Variants in CPOX observed in about 807,000 individuals in gnomAD.
The protein encoded by CPOX is oxygen-dependent coproporphyrinogen-III oxidase, mitochondrial.
A neutral mutation model predicts 48.9 loss-of-function variants in CPOX; 24 were observed. The ratio of observed to expected loss-of-function variants is 0.49; its 90% confidence interval spans 0.36 to 0.69. The LOEUF is 0.69. Among genes scored for constraint, CPOX ranks in the 30% least tolerant of loss-of-function variants. The probability of loss-of-function intolerance (pLI) is 0.00; values close to 1 mark genes in which losing one functional copy is unlikely to be tolerated. For missense variants in CPOX, 549 were observed against 597.3 expected (o/e 0.92, Z 0.84); for synonymous variants, 249 against 234.6 (o/e 1.06, Z -0.56).
chr3:98,581,721 T>C (rs896385668), intron 5 of CPOX, among the ~76,000 whole-genome samples: 3 of 152,144 alleles, frequency 2.0e-5, no homozygotes, highest in East Asian at 1.9e-4. Context: ...CAATAGAATA[T>C]AGATTCTGCC....
At position 98,580,273 on chromosome 3, in the gene CPOX, T is replaced by C; in HGVS notation, c.*410A>G. The C allele has an allele frequency of 1.0e-5, 10 of 1,000,054 alleles. No homozygotes were observed. The highest frequency in any genetic ancestry group is 1.2e-5 in the Non-Finnish European group (10 of 838,454). 61.9% of individuals were successfully genotyped at this position (1,000,054 alleles called of 1,614,324 possible). On this transcript the variant is annotated 3_prime_UTR_variant, in exon 7 of 7. Transcript: ENST00000647941. ...AATTACTATGAAGTCTCAACTTCAC[T>C]GAATTAATGAAAATAAAATATATTC...
In CPOX at chr3:98,588,817, G is replaced by T; in HGVS notation, c.849C>A (p.Leu283=). The T allele has an allele frequency of 6.2e-7, 1 of 1,614,154 alleles. No homozygotes were observed. The highest frequency in any genetic ancestry group is 8.5e-7 in the Non-Finnish European group (1 of 1,180,008). Residue 283 remains leucine, a synonymous_variant, in exon 4 of 7, where the codon CTC becomes CTA. Transcript: ENST00000647941. ...KQWWFGGGCD[L]TPTYLNQEDA... ...CTTCTTGATTCAAGTATGTTGGAGT[G>T]AGGTCACATCCACCACCAAACCACC...
chr3:98,575,187 C>G (rs1707141673), downstream of CPOX, among the ~76,000 whole-genome samples: 1 of 152,170 alleles, frequency 6.6e-6, no homozygotes, highest in Non-Finnish European at 1.5e-5. Context: ...ACTTTGATAC[C>G]TCTCAACCAT....
intron 5 of CPOX, among the ~76,000 whole-genome samples, chr3:98,581,716 G>T (rs1468213939): frequency 2.6e-5 from 4 of 152,094 alleles, no homozygotes; most frequent in Non-Finnish European, 4.4e-5. Flanking sequence ...CCAAACAATA[G>T]AATATAGATT....
chr3:98,590,751 T>C lies in CPOX; in HGVS notation c.701-9A>G. 1 of 1,579,810 alleles carries C rather than the reference T, an allele frequency of 6.3e-7. No homozygotes were observed. The highest frequency in any genetic ancestry group is 8.7e-7 in the Non-Finnish European group (1 of 1,148,852). ...ACAAAATGGCAATTTACCTGGAAAG[T>C]AAAATATGAGTCATGAGCTATATTC... On this transcript the variant is annotated splice_polypyrimidine_tract_variant and intron_variant, in intron 2 of 6. Transcript: ENST00000647941.
downstream of CPOX, among the ~76,000 whole-genome samples, chr3:98,576,364 A>C (rs1178063181): frequency 6.6e-6 from 1 of 152,200 alleles, no homozygotes; most frequent in Non-Finnish European, 1.5e-5. Flanking sequence ...GAACTCACTC[A>C]CTACCACGAG....
rs1707215405 is a variant in CPOX, at chr3:98,579,726, C to T, written c.*957G>A. On this transcript the variant is annotated 3_prime_UTR_variant, in exon 7 of 7. Coordinates refer to ENST00000647941, the MANE Select transcript of CPOX (RefSeq NM_000097.7). ...AGAATCTCTAATATAAAAAAGAGGACATTTTCAATGTGTCCATTTTCCTAA... is the reference window on the plus strand; with the variant it reads ...AGAATCTCTAATATAAAAAAGAGGATATTTTCAATGTGTCCATTTTCCTAA... 1 of 985,280 alleles carries T rather than the reference C, an allele frequency of 1.0e-6. No individual in the cohort carries two copies. The highest frequency in any genetic ancestry group is 6.1e-5 in the Admixed American group (1 of 16,266). The allele number at this position is 985,280 out of a possible 1,614,324, so 61.0% of individuals were successfully genotyped here. A position where few individuals can be genotyped will look rare whatever the true frequency, so the allele number is the denominator to read the frequency against.
chr3:98,573,010 G>A, the CPOX span, among the ~76,000 whole-genome samples: 1 of 152,142 alleles, frequency 6.6e-6, no homozygotes, highest in Non-Finnish European at 1.5e-5. Flanking sequence ...TGATAAAAAT[G>A]TTTTCCTACC....
rs1707537180 is a variant in CPOX at position 98,593,607 on chromosome 3, G to T, written c.-103C>A. 3 of 1,259,550 alleles carry T rather than the reference G, an allele frequency of 2.4e-6. No individual in the cohort carries two copies. Among genetic ancestry groups the T allele is most frequent in the Non-Finnish European group, 3.2e-6 (3 of 936,468 alleles). 78.0% of individuals were successfully genotyped at this position (1,259,550 alleles called of 1,614,324 possible). A position where few individuals can be genotyped will look rare whatever the true frequency, so the allele number is the denominator to read the frequency against. On this transcript the variant is annotated 5_prime_UTR_variant, in exon 1 of 7. Coordinates refer to ENST00000647941, the MANE Select transcript of CPOX (RefSeq NM_000097.7). ...ATTGAGCCGGCGAGCTGCACAGGCG[G>T]AAAGAACCTTTCGAGAAGAGCCGCT...
chr3:98,574,011 A>G, the CPOX span, among the ~76,000 whole-genome samples: 2 of 152,044 alleles, frequency 1.3e-5, no homozygotes, highest in Non-Finnish European at 2.9e-5. Context: ...ATTACACTGC[A>G]TGCACTTCCT....
chr3:98,578,298 A>G, downstream of CPOX: 3 of 873,586 alleles, frequency 3.4e-6, no homozygotes, highest in Non-Finnish European at 4.1e-6. Context: ...GAAAAATTTT[A>G]TCTTCATTTA....
chr3:98,585,389 T>C (rs1707341874), intron 5 of CPOX, 52 bp downstream of exon 5: 3 of 1,420,024 alleles, frequency 2.1e-6, no homozygotes, highest in African/African-American at 1.4e-5. Context: ...TATTAAGAGC[T>C]GCTCCACCTC....
At chr3:98,592,806 G>A (rs1229399214) in intron 1 of CPOX, 143 bp downstream of exon 1, 20 of 847,456 alleles carry the variant, frequency 2.4e-5, no homozygotes, top group Non-Finnish European at 3.7e-5. Context: ...CTTTTTATCA[G>A]CGGCCTCTAA....
intron 1 of CPOX, among the ~76,000 whole-genome samples, chr3:98,592,463 A>T (rs1415725854): frequency 6.6e-6 from 1 of 152,146 alleles, no homozygotes; most frequent in Non-Finnish European, 1.5e-5. Flanking sequence ...TGTAACAGTA[A>T]AAAGAAGTGG....
Position 98,580,565 on chromosome 3 carries a change from G to A in CPOX, c.*118C>T. On this transcript the variant is annotated 3_prime_UTR_variant, in exon 7 of 7. Transcript: ENST00000647941. ...TTATCATCTGCCCACGAGGTAGGGT[G>A]CAGAGTGGAGAAGACTAAGGCACGG... The A allele has an allele frequency of 1.3e-6, 2 of 1,562,236 alleles. No homozygotes were observed. The highest frequency in any genetic ancestry group is 8.7e-7 in the Non-Finnish European group (1 of 1,154,240).
chr3:98,583,735 C>T (rs1206902085), intron 5 of CPOX, among the ~76,000 whole-genome samples: 5 of 152,072 alleles, frequency 3.3e-5, no homozygotes, highest in Non-Finnish European at 5.9e-5. Flanking sequence ...AAAGGGAGAC[C>T]GGTGTTTGGA....
chr3:98,588,610 T>C, intron 4 of CPOX, 103 bp downstream of exon 4: 1 of 1,235,254 alleles, frequency 8.1e-7, no homozygotes, highest in East Asian at 2.3e-5. Context: ...GAAAACTAGT[T>C]CCATTTTCAT....
At chr3:98,576,489 A>G (rs936403579), downstream of CPOX, among the ~76,000 whole-genome samples, 1 of 152,196 alleles carries the variant, frequency 6.6e-6, no homozygotes, top group Non-Finnish European at 1.5e-5. Flanking sequence ...GGGGACACAA[A>G]CCCTAACCAT....
downstream of CPOX, among the ~76,000 whole-genome samples, chr3:98,575,576 T>C (rs1165743014): frequency 2.0e-5 from 3 of 152,064 alleles, no homozygotes; most frequent in African/African-American, 7.2e-5. Context: ...GTGGATTACC[T>C]GAGGCAGGAT....
Sources: allele counts gnomAD v4.1 joint callset (sites outside exome capture counted in the v4.1 genomes callset), GRCh38; gene constraint gnomAD v4.1.1; transcripts MANE v1.5; gene names NCBI Gene and HGNC (gene_info 2026-07-23, HGNC 2026-07-21).